The following DNAAF9 variants were observed in gnomAD, a reference collection of about 807,000 sequenced individuals.
DNAAF9 encodes dynein axonemal assembly factor 9.
Under a neutral mutation model 167.0 loss-of-function variants are expected in DNAAF9, and 90 were observed. The observed-to-expected ratio is 0.54, with a 90% CI of 0.45 to 0.64. The LOEUF is 0.64. Among genes scored for constraint, DNAAF9 ranks in the 30% least tolerant of loss-of-function variants. DNAAF9 has a pLI of 0.00. For missense variants in DNAAF9, 1,315 were observed against 1,442.2 expected (o/e 0.91, Z 1.43); for synonymous variants, 491 against 508.8 (o/e 0.96, Z 0.47).
At chr20:3,265,577 A>G (rs1259042999) in intron 30 of DNAAF9, among the ~76,000 whole-genome samples, 5 of 131,556 alleles carry the variant, frequency 3.8e-5, no homozygotes, top group Non-Finnish European at 8.1e-5. Flanking sequence ...TCTGTCTCAG[A>G]AAAAAAAAAA....
chr20:3,347,013 G>C (rs1156617829), intron 8 of DNAAF9, among the ~76,000 whole-genome samples: 1 of 151,930 alleles, frequency 6.6e-6, no homozygotes, highest in Non-Finnish European at 1.5e-5. Context: ...GACCTAGGAA[G>C]CTCAACAAAA....
intron 17 of DNAAF9, among the ~76,000 whole-genome samples, chr20:3,318,022 G>A (rs2069535674): frequency 6.6e-6 from 1 of 151,220 alleles, no homozygotes; most frequent in South Asian, 2.1e-4. Flanking sequence ...TTTACTATTG[G>A]GTAGCTTATC....
chr20:3,271,315 C>G (rs1441757608), intron 29 of DNAAF9, among the ~76,000 whole-genome samples: 1 of 152,112 alleles, frequency 6.6e-6, no homozygotes, highest in Non-Finnish European at 1.5e-5. Flanking sequence ...AGATACTGTG[C>G]ACAGGGAGCC....
At chr20:3,314,652 G>A (rs560286500) in intron 20 of DNAAF9, among the ~76,000 whole-genome samples, 201 of 152,302 alleles carry the variant, frequency 1.3e-3, no homozygotes, top group African/African-American at 4.4e-3. Flanking sequence ...TTCTGACCTG[G>A]AGAACTGTGA....
intron 27 of DNAAF9, among the ~76,000 whole-genome samples, chr20:3,282,992 C>G (rs1045530363): frequency 2.0e-5 from 3 of 152,208 alleles, no homozygotes; most frequent in African/African-American, 7.2e-5. Context: ...TGTTTACTGT[C>G]TCCATAATAA....
At chr20:3,341,903 G>A (rs1007646722) in intron 9 of DNAAF9, among the ~76,000 whole-genome samples, 2 of 151,978 alleles carry the variant, frequency 1.3e-5, no homozygotes, top group South Asian at 2.1e-4. Flanking sequence ...TCAGCCTCCC[G>A]AGTAGCTGGG....
At chr20:3,332,873 TGCATGC>T (rs1234138829) in intron 10 of DNAAF9, among the ~76,000 whole-genome samples, 9 of 150,174 alleles carry the variant, frequency 6.0e-5, no homozygotes, top group Non-Finnish European at 1.3e-4. Flanking sequence ...TGTGCGTGCG[TGCATGC>T]GTGTGTGCGT....
chr20:3,337,605 C>T lies in DNAAF9; in HGVS notation c.981+2899G>A, dbSNP rs371278620. Among the ~76,000 whole-genome samples, 288 of 152,148 alleles carry T rather than the reference C, an allele frequency of 1.9e-3. 3 individuals carry two copies. The highest frequency in any genetic ancestry group is 6.8e-3 in the South Asian group (33 of 4,818). On this transcript the variant is annotated intron_variant, in intron 10 of 36. Coordinates refer to ENST00000252032, the MANE Select transcript of DNAAF9 (RefSeq NM_001009984.3). The stretch of plus-strand genomic sequence containing the variant: ...TGTTAGTGCTGGCACTGATGACTGT[C>T]TTTTCTCATTGAGTTTGAGATCTCT...
At chr20:3,296,026 C>T in intron 23 of DNAAF9, 1 of 1,166,434 alleles carries the variant, frequency 8.6e-7, no homozygotes, top group Non-Finnish European at 1.3e-6. Context: ...CGGTTTCAAG[C>T]TGAAATTTTC....
At chr20:3,292,199 C>T (rs1600718765) in intron 25 of DNAAF9, among the ~76,000 whole-genome samples, 2 of 152,156 alleles carry the variant, frequency 1.3e-5, no homozygotes, top group Admixed American at 1.3e-4. Flanking sequence ...GCGGTTTCAC[C>T]TTGTTGGTCA....
Position 3,252,284 on chromosome 20 carries a change from G to T in DNAAF9, c.*288C>A. On this transcript the variant is annotated 3_prime_UTR_variant, in exon 37 of 37. Coordinates refer to ENST00000252032, the MANE Select transcript of DNAAF9 (RefSeq NM_001009984.3). ...ACCTCAAGAGCCCAAAGGAGATCCTGTTATCAGAAACCCAGAGCTCCTGGA... is the reference window on the plus strand; with the variant it reads ...ACCTCAAGAGCCCAAAGGAGATCCTTTTATCAGAAACCCAGAGCTCCTGGA... 1 of 292,548 alleles carries T rather than the reference G, an allele frequency of 3.4e-6. No individual in the cohort carries two copies. The highest frequency in any genetic ancestry group is 6.5e-6 in the Non-Finnish European group (1 of 153,720). The allele number at this position is 292,548 out of a possible 1,614,324, so 18.1% of individuals were successfully genotyped here. A position where few individuals can be genotyped will look rare whatever the true frequency, so the allele number is the denominator to read the frequency against.
intron 10 of DNAAF9, among the ~76,000 whole-genome samples, chr20:3,337,447 T>G (rs1195856187): frequency 1.3e-5 from 2 of 150,492 alleles, no homozygotes; most frequent in South Asian, 2.1e-4. Context: ...TTTGTTTTTT[T>G]TTTTTTTGGT....
At chr20:3,295,069 CTG>C (rs1300550598) in intron 23 of DNAAF9, among the ~76,000 whole-genome samples, 1 of 152,142 alleles carries the variant, frequency 6.6e-6, no homozygotes, top group African/African-American at 2.4e-5. Flanking sequence ...CGGGGTTTCA[CTG>C]TGTTAGCCAG....
chr20:3,289,529 T>C (rs373509228), intron 26 of DNAAF9, among the ~76,000 whole-genome samples: 2 of 152,134 alleles, frequency 1.3e-5, no homozygotes, highest in East Asian at 3.9e-4. Context: ...TTTTTTTGTT[T>C]TGTTTTTTTA....
At chr20:3,398,839 G>A (rs2083945703) in intron 1 of DNAAF9, among the ~76,000 whole-genome samples, 1 of 152,138 alleles carries the variant, frequency 6.6e-6, no homozygotes, top group Non-Finnish European at 1.5e-5. Flanking sequence ...CTAGACATGG[G>A]GAGAAAAGGC....
chr20:3,264,085 A>G (rs2068442080), intron 31 of DNAAF9, among the ~76,000 whole-genome samples: 1 of 152,186 alleles, frequency 6.6e-6, no homozygotes, highest in Admixed American at 6.5e-5. Flanking sequence ...GACTGACGGT[A>G]TTGTCAGAAG....
chr20:3,348,493 T>C, intron 8 of DNAAF9, 32 bp downstream of exon 8: 1 of 1,129,700 alleles, frequency 8.9e-7, no homozygotes, highest in Non-Finnish European at 1.3e-6. Context: ...TTAACCATTT[T>C]ATTCTTCCTC....
intron 8 of DNAAF9, among the ~76,000 whole-genome samples, chr20:3,345,871 G>C (rs946423300): frequency 6.6e-6 from 1 of 151,916 alleles, no homozygotes; most frequent in Non-Finnish European, 1.5e-5. Context: ...GGAGGCGGAG[G>C]TTGCAGTGAG....
chr20:3,289,413 C>T (rs115286340), intron 26 of DNAAF9, among the ~76,000 whole-genome samples: 124 of 152,132 alleles, frequency 8.2e-4, no homozygotes, highest in African/African-American at 2.5e-3. Flanking sequence ...CCACTGTACG[C>T]GAGTTTGGGT....
Sources: allele counts gnomAD v4.1 joint callset (sites outside exome capture counted in the v4.1 genomes callset), GRCh38; gene constraint gnomAD v4.1.1; transcripts MANE v1.5; gene names NCBI Gene and HGNC (gene_info 2026-07-23, HGNC 2026-07-21).